PDIK1L: variants seen among roughly 807,000 people sequenced by gnomAD.
PDIK1L encodes the protein PDLIM1 interacting kinase 1 like, also known as serine/threonine-protein kinase PDIK1L.
A neutral mutation model predicts 27.1 loss-of-function variants in PDIK1L; 9 were observed. That is an observed-to-expected ratio of 0.33 (90% CI 0.20 to 0.58). The LOEUF (loss-of-function observed/expected upper bound fraction) is 0.58. PDIK1L is among the 20% of genes least tolerant of loss of function. The pLI is 0.86. For missense variants in PDIK1L, 216 were observed against 413.2 expected (o/e 0.52, Z 4.14); for synonymous variants, 130 against 141.7 (o/e 0.92, Z 0.59).
At chr1:26,111,685 A>C (rs1390574164), upstream of PDIK1L, among the ~76,000 whole-genome samples, 1 of 151,216 alleles carries the variant, frequency 6.6e-6, no homozygotes, top group African/African-American at 2.4e-5. This position sits in a 1 kb window ranked among gnomAD's most constrained non-coding sequence, Gnocchi z 4.0. Flanking sequence ...GAGAGGGAGG[A>C]GGCGAGCGGA....
In PDIK1L at chr1:26,123,056, G is replaced by C. The variant is rs971286879; in HGVS notation, c.*479G>C. On this transcript the variant is annotated 3_prime_UTR_variant, in exon 3 of 3. Coordinates refer to ENST00000374269, the MANE Select transcript of PDIK1L (RefSeq NM_152835.5). ...TCCATATGAAAAAAATGCCACGTCT[G>C]TTTAAATTATTTGATGTAGGTTTGG... 3.9e-5 allele frequency: 6 copies of C among 152,496 alleles called. No homozygotes were observed. Among genetic ancestry groups the C allele is most frequent in the African/African-American group, 1.2e-4 (5 of 41,356 alleles). 9.4% of individuals were successfully genotyped at this position (152,496 alleles called of 1,614,324 possible).
In PDIK1L at chr1:26,122,175, C is replaced by T; in HGVS notation, c.624C>T (p.Val208=). Residue 208 remains valine, a synonymous_variant, in exon 3 of 3, where the codon GTC becomes GTT. Transcript: ENST00000374269. The surrounding 1 kb of genome is among the most constrained non-coding windows in gnomAD (Gnocchi z 5.4). ...SASGQNPEEP[V]SVNKCFLSTA... ...CTGGGCAGAACCCAGAAGAACCTGTCAGTGTAAACAAGTGTTTCCTTTCCA... is the reference window on the plus strand; with the variant it reads ...CTGGGCAGAACCCAGAAGAACCTGTTAGTGTAAACAAGTGTTTCCTTTCCA... 6.2e-7 allele frequency: 1 copy of T among 1,614,240 alleles called. No homozygotes were observed. Among genetic ancestry groups the T allele is most frequent in the Non-Finnish European group, 8.5e-7 (1 of 1,180,050 alleles).
Position 26,122,412 on chromosome 1 carries a change from C to T in PDIK1L, c.861C>T (p.Pro287=). The T allele has an allele frequency of 6.2e-7, 1 of 1,614,022 alleles. No homozygotes were observed. Among genetic ancestry groups the T allele is most frequent in the Non-Finnish European group, 8.5e-7 (1 of 1,179,984 alleles). The change falls in exon 3 of 3, where the codon CCC becomes CCT. Residue 287 remains proline, a synonymous_variant. Transcript: ENST00000374269. The surrounding 1 kb of genome is among the most constrained non-coding windows in gnomAD (Gnocchi z 5.4). The part of the protein sequence containing the change: ...VPVGEALLEN[P]KMELLIPVKK... ...TTGGGGAGGCACTTCTGGAAAATCC[C>T]AAAATGGAACTTCTCATTCCTGTGA...
intron 2 of PDIK1L, among the ~76,000 whole-genome samples, chr1:26,117,895 C>T (rs778454829): frequency 6.6e-5 from 10 of 151,832 alleles, no homozygotes; most frequent in Admixed American, 4.6e-4. Context: ...CCCATCTCTA[C>T]GAAAAATACA....
chr1:26,121,792 A>G (rs948146926), intron 2 of PDIK1L, 45 bp from the exon 3 acceptor site: 2 of 1,536,506 alleles, frequency 1.3e-6, no homozygotes, highest in African/African-American at 2.8e-5. Flanking sequence ...ACTGAATTGT[A>G]TAACCTATGC....
chr1:26,119,348 C>T (rs182376766), intron 2 of PDIK1L, among the ~76,000 whole-genome samples: 126 of 151,892 alleles, frequency 8.3e-4, no homozygotes, highest in African/African-American at 2.8e-3. Context: ...ATTGAGGCTG[C>T]GGTGAGCCAT....
At position 26,124,178 on chromosome 1, in the gene PDIK1L, G is replaced by C. The variant is rs1340372003; in HGVS notation, c.*1601G>C. The stretch of plus-strand genomic sequence containing the variant: ...CAAATGTGTTCAGAGGAAATAGAAT[G>C]TAAAACATCACAAAAAAAATTGCAG... On this transcript the variant is annotated 3_prime_UTR_variant, in exon 3 of 3. Coordinates refer to ENST00000374269, the MANE Select transcript of PDIK1L (RefSeq NM_152835.5). 1 of 152,454 alleles carries C rather than the reference G, an allele frequency of 6.6e-6. No individual in the cohort carries two copies. The highest frequency in any genetic ancestry group is 1.5e-5 in the Non-Finnish European group (1 of 67,986). The allele number at this position is 152,454 out of a possible 1,614,324, so 9.4% of individuals were successfully genotyped here.
In PDIK1L at chr1:26,122,800, T is replaced by G; in HGVS notation, c.*223T>G. 2.6e-6 allele frequency: 1 copy of G among 386,452 alleles called. No individual in the cohort carries two copies. Among genetic ancestry groups the G allele is most frequent in the Non-Finnish European group, 4.4e-6 (1 of 227,030 alleles). 23.9% of individuals were successfully genotyped at this position (386,452 alleles called of 1,614,324 possible). A position where few individuals can be genotyped will look rare whatever the true frequency, so the allele number is the denominator to read the frequency against. On this transcript the variant is annotated 3_prime_UTR_variant, in exon 3 of 3. Transcript: ENST00000374269. The surrounding 1 kb of genome is among the most constrained non-coding windows in gnomAD (Gnocchi z 5.4). ...AATGTGGGTGTAAATTTTTAAAAAATGATTATTGATAGAAGTTTGGCAGGA... is the reference window on the plus strand; with the variant it reads ...AATGTGGGTGTAAATTTTTAAAAAAGGATTATTGATAGAAGTTTGGCAGGA...
intron 2 of PDIK1L, 90 bp from the exon 3 acceptor site, chr1:26,121,747 G>A (rs2087992635): frequency 1.5e-6 from 2 of 1,310,152 alleles, no homozygotes; most frequent in Middle Eastern, 2.2e-4. Flanking sequence ...TAAAGGTGGA[G>A]ACTGACTTAA....
intron 1 of PDIK1L, among the ~76,000 whole-genome samples, 163 bp downstream of exon 1, chr1:26,112,078 A>T (rs1018387053): frequency 6.6e-6 from 1 of 151,906 alleles, no homozygotes; most frequent in African/African-American, 2.4e-5. Flanking sequence ...GCCTCCTCTC[A>T]TACCGGGGCC....
intron 2 of PDIK1L, among the ~76,000 whole-genome samples, chr1:26,120,694 C>T (rs541858580): frequency 1.3e-5 from 2 of 152,324 alleles, no homozygotes; most frequent in Admixed American, 1.3e-4. Context: ...TGGCTCATGC[C>T]TATAGTCCCA....
intron 2 of PDIK1L, among the ~76,000 whole-genome samples, chr1:26,115,443 A>G (rs1282572005): frequency 6.6e-6 from 1 of 152,228 alleles, no homozygotes; most frequent in Non-Finnish European, 1.5e-5. Context: ...GTAGCTCTAT[A>G]CTCAAAGAAT....
In PDIK1L at chr1:26,122,416, A is replaced by T; in HGVS notation, c.865A>T (p.Met289Leu). 1 of 1,614,162 alleles carries T rather than the reference A, an allele frequency of 6.2e-7. No homozygotes were observed. Residue 289 changes from methionine to leucine, a missense_variant, in exon 3 of 3, where the codon ATG becomes TTG. Around this residue, in one of 2 missense-constraint regions of PDIK1L, gnomAD observed 169 missense variants for 366.0 expected, o/e 0.46. Transcript: ENST00000374269. The surrounding 1 kb of genome is among the most constrained non-coding windows in gnomAD (Gnocchi z 5.4). ...GGAGGCACTTCTGGAAAATCCCAAA[A>T]TGGAACTTCTCATTCCTGTGAAGAA... Reference protein sequence around the residue: ...VGEALLENPKMELLIPVKKKS... With the variant: ...VGEALLENPKLELLIPVKKKS...
rs751484411 is a variant in PDIK1L at position 26,122,163 on chromosome 1, A to T, written c.612A>T (p.Pro204=). 1.2e-6 allele frequency: 2 copies of T among 1,614,250 alleles called. No individual in the cohort carries two copies. Among genetic ancestry groups the T allele is most frequent in the Non-Finnish European group, 1.7e-6 (2 of 1,180,034 alleles). Residue 204 remains proline (P), a synonymous_variant, in exon 3 of 3, where the codon CCA becomes CCT. Transcript: ENST00000374269. The surrounding 1 kb of genome is among the most constrained non-coding windows in gnomAD (Gnocchi z 5.4). ...SKVCSASGQN[P]EEPVSVNKCF... is the part of the protein sequence containing the mutation. ...TTTGTTCAGCCTCTGGGCAGAACCCAGAAGAACCTGTCAGTGTAAACAAGT... is the reference window on the plus strand; with the variant it reads ...TTTGTTCAGCCTCTGGGCAGAACCCTGAAGAACCTGTCAGTGTAAACAAGT...
chr1:26,112,721 CT>C (rs1175935615), intron 1 of PDIK1L: 5 of 152,240 alleles, frequency 3.3e-5, no homozygotes, highest in African/African-American at 1.2e-4. Context: ...TAAATCTATC[CT>C]GTAGACTTAA....
At chr1:26,120,574 A>G (rs2087962066) in intron 2 of PDIK1L, among the ~76,000 whole-genome samples, 1 of 152,188 alleles carries the variant, frequency 6.6e-6, no homozygotes, top group Non-Finnish European at 1.5e-5. Flanking sequence ...GAAATTAGCA[A>G]TTCATTCACT....
intron 1 of PDIK1L, among the ~76,000 whole-genome samples, chr1:26,113,405 T>C (rs1365138741): frequency 6.8e-6 from 1 of 146,868 alleles, no homozygotes; most frequent in Non-Finnish European, 1.5e-5. Context: ...GGCAGGAGAA[T>C]GGCGTGAACC....
intron 1 of PDIK1L, among the ~76,000 whole-genome samples, chr1:26,113,400 G>T (rs2087828923): frequency 6.6e-6 from 1 of 151,274 alleles, no homozygotes; most frequent in Admixed American, 6.6e-5. Flanking sequence ...GCTGAGGCAG[G>T]AGAATGGCGT....
chr1:26,114,407 G>A lies in PDIK1L; in HGVS notation c.99G>A (p.Arg33=), dbSNP rs1355241502. The change falls in exon 2 of 3, where the codon CGG becomes CGA. Residue 33 remains arginine, a synonymous_variant. Coordinates refer to ENST00000374269, the MANE Select transcript of PDIK1L (RefSeq NM_152835.5). The surrounding 1 kb of genome is among the most constrained non-coding windows in gnomAD (Gnocchi z 4.8). The stretch of plus-strand genomic sequence containing the variant: ...CAGTCATCAGAAAGACCTCTGCACG[G>A]GTGGCAGTGAAGAAAATTCGATGTC... ...YEAVIRKTSA[R]VAVKKIRCHA... 2 of 1,614,024 alleles carry A rather than the reference G, an allele frequency of 1.2e-6. No individual in the cohort carries two copies.
Sources: gnomAD v4.1 joint callset for allele counts (sites outside exome capture counted in the v4.1 genomes callset) on GRCh38, gnomAD v4.1.1 for gene constraint, gnomAD v4.1.1 regional missense constraint, Gnocchi (gnomAD v3.1) non-coding constraint, MANE v1.5 for transcripts, NCBI Gene and HGNC (gene_info 2026-07-23, HGNC 2026-07-21) for gene names.